BMPR1B: variants seen among roughly 807,000 people sequenced by gnomAD.
BMPR1B encodes the protein bone morphogenetic protein receptor type 1B, also known as bone morphogenetic protein receptor type-1B.
In BMPR1B, 12 loss-of-function variants were observed where a neutral mutation model predicts 59.1. The observed-to-expected ratio is 0.20, with a 90% CI of 0.13 to 0.33. The LOEUF (loss-of-function observed/expected upper bound fraction) is 0.33. Among genes scored for constraint, BMPR1B ranks in the 10% least tolerant of loss-of-function variants. The pLI, the probability that BMPR1B is intolerant of heterozygous loss-of-function variation, is 1.00. For synonymous variants in BMPR1B, 237 were observed against 207.3 expected, an observed-to-expected ratio of 1.14 and a Z score of -1.23; for missense variants, 550 against 610.9, an observed-to-expected ratio of 0.90 and a Z score of 1.05.
At chr4:94,814,595 A>G (rs960890407) in intron 1 of BMPR1B, among the ~76,000 whole-genome samples, 9 of 152,300 alleles carry the variant, frequency 5.9e-5, no homozygotes, top group African/African-American at 1.7e-4. Context: ...AAGTATTATA[A>G]TGCAATACCC....
intron 1 of BMPR1B, among the ~76,000 whole-genome samples, chr4:94,809,259 A>C (rs1723724038): frequency 6.6e-6 from 1 of 152,170 alleles, no homozygotes; most frequent in Non-Finnish European, 1.5e-5. Context: ...AACATGTAAA[A>C]TTGTTATCAT....
intron 2 of BMPR1B, among the ~76,000 whole-genome samples, chr4:94,925,247 A>G (rs576806974): frequency 6.6e-6 from 1 of 152,104 alleles, no homozygotes; most frequent in African/African-American, 2.4e-5. Context: ...CAGTTTCACA[A>G]TTTATGTTGA....
chr4:94,923,334 C>A (rs948286216), intron 2 of BMPR1B, among the ~76,000 whole-genome samples: 1 of 152,060 alleles, frequency 6.6e-6, no homozygotes, highest in Admixed American at 6.5e-5. Flanking sequence ...CACATACCAC[C>A]TACAGTTGGG....
intron 3 of BMPR1B, among the ~76,000 whole-genome samples, chr4:95,067,933 G>A (rs1033624973): frequency 6.6e-6 from 1 of 152,144 alleles, no homozygotes; most frequent in African/African-American, 2.4e-5. Flanking sequence ...GAGAACTAAA[G>A]GATGATAAGG....
chr4:94,974,190 T>C (rs1277162481), intron 2 of BMPR1B, among the ~76,000 whole-genome samples: 1 of 152,232 alleles, frequency 6.6e-6, no homozygotes, highest in Admixed American at 6.5e-5. Flanking sequence ...CTGTGTATTG[T>C]ATGATCTTGT....
chr4:95,135,708 A>T (rs1413143771), intron 10 of BMPR1B, among the ~76,000 whole-genome samples: 1 of 152,144 alleles, frequency 6.6e-6, no homozygotes, highest in South Asian at 2.1e-4. Context: ...TTGCACATTG[A>T]TTTTGTATCC....
At chr4:95,138,091 AG>A (rs1183384801) in intron 10 of BMPR1B, among the ~76,000 whole-genome samples, 1 of 152,158 alleles carries the variant, frequency 6.6e-6, no homozygotes, top group Non-Finnish European at 1.5e-5. Flanking sequence ...AGCTCTTGTA[AG>A]GCAGGCCTGA....
intron 3 of BMPR1B, among the ~76,000 whole-genome samples, chr4:95,028,646 T>A (rs1724592220): frequency 6.6e-6 from 1 of 152,168 alleles, no homozygotes; most frequent in Admixed American, 6.6e-5. Flanking sequence ...AAAATTGCTA[T>A]CTCTTTACTT....
chr4:94,843,775 C>T (rs558557278), intron 1 of BMPR1B, among the ~76,000 whole-genome samples: 11 of 152,188 alleles, frequency 7.2e-5, no homozygotes, highest in South Asian at 2.1e-4. Context: ...AAAAGCCTTA[C>T]GAGCCGTTTC....
intron 3 of BMPR1B, among the ~76,000 whole-genome samples, chr4:95,036,704 C>CTTT (rs5860386): frequency 7.8e-6 from 1 of 128,094 alleles, no homozygotes. Flanking sequence ...ATACAATTTC[C>CTTT]TTTTTTTTTT....
intron 1 of BMPR1B, among the ~76,000 whole-genome samples, chr4:94,761,562 G>A (rs1721773957): frequency 6.6e-6 from 1 of 151,868 alleles, no homozygotes; most frequent in South Asian, 2.1e-4. Context: ...CAGAACAACT[G>A]CAAATTCATC....
chr4:94,823,129 T>C lies in BMPR1B; in HGVS notation c.-182-52702T>C, dbSNP rs554461608. Among the ~76,000 whole-genome samples, 8 of 152,324 alleles carry C rather than the reference T, an allele frequency of 5.3e-5. No individual in the cohort carries two copies. The South Asian group carries it at 1.7e-3, about 32-fold the overall frequency. ...GTTAACCAGAAACTCTTTTAATTGCTTAGTTGAAATATATTGAAATCATTT... is the reference window on the plus strand; with the variant it reads ...GTTAACCAGAAACTCTTTTAATTGCCTAGTTGAAATATATTGAAATCATTT... On this transcript the variant is annotated intron_variant, in intron 1 of 12. Coordinates refer to ENST00000515059, the MANE Select transcript of BMPR1B (RefSeq NM_001203.3).
At chr4:94,765,229 ATATG>A (rs1403540419) in intron 1 of BMPR1B, among the ~76,000 whole-genome samples, 1 of 152,184 alleles carries the variant, frequency 6.6e-6, no homozygotes, top group Non-Finnish European at 1.5e-5. Context: ...AGTTTTGTAT[ATATG>A]TATGTGTGTG....
At chr4:94,924,823 T>C (rs1204478559) in intron 2 of BMPR1B, among the ~76,000 whole-genome samples, 1 of 152,128 alleles carries the variant, frequency 6.6e-6, no homozygotes, top group African/African-American at 2.4e-5. Context: ...GAATCAGGCC[T>C]TACCTGAGGC....
At chr4:95,028,030 G>A (rs888424773) in intron 3 of BMPR1B, among the ~76,000 whole-genome samples, 1 of 152,106 alleles carries the variant, frequency 6.6e-6, no homozygotes, top group South Asian at 2.1e-4. Context: ...ATCCCAGGAG[G>A]TTATATATAG....
intron 3 of BMPR1B, among the ~76,000 whole-genome samples, chr4:95,032,006 A>T (rs1452544390): frequency 6.6e-6 from 1 of 152,150 alleles, no homozygotes; most frequent in East Asian, 1.9e-4. Flanking sequence ...GTATATTCAC[A>T]TTGTTGTGCA....
intron 2 of BMPR1B, among the ~76,000 whole-genome samples, chr4:94,946,412 A>T (rs748211215): frequency 6.6e-6 from 1 of 152,174 alleles, no homozygotes; most frequent in Admixed American, 6.5e-5. Context: ...CAGTTTTTAT[A>T]TATCACTTAA....
intron 2 of BMPR1B, among the ~76,000 whole-genome samples, chr4:94,913,263 G>A (rs1728355440): frequency 6.6e-6 from 1 of 152,092 alleles, no homozygotes; most frequent in African/African-American, 2.4e-5. Context: ...ATGCTGTGAG[G>A]TTTACATTAT....
chr4:94,828,684 T>G (rs1487311128), intron 1 of BMPR1B, among the ~76,000 whole-genome samples: 3 of 152,108 alleles, frequency 2.0e-5, no homozygotes, highest in Non-Finnish European at 4.4e-5. Flanking sequence ...ACAAGCACCC[T>G]TGGACTCTCA....
Sources: gnomAD v4.1 joint callset for allele counts (sites outside exome capture counted in the v4.1 genomes callset) on GRCh38, gnomAD v4.1.1 for gene constraint, MANE v1.5 for transcripts, NCBI Gene and HGNC (gene_info 2026-07-23, HGNC 2026-07-21) for gene names.